Variants in RBFOX1 observed in about 807,000 individuals in gnomAD.
RBFOX1 encodes RNA binding fox-1 homolog 1.
Under a neutral mutation model 57.7 loss-of-function variants are expected in RBFOX1, and 8 were observed. That is an observed-to-expected ratio of 0.14 (90% CI 0.08 to 0.25). The LOEUF is 0.25. RBFOX1 is among the 10% of genes least tolerant of loss of function. The probability of loss-of-function intolerance (pLI) is 1.00; values close to 1 mark genes in which losing one functional copy is unlikely to be tolerated. For synonymous variants in RBFOX1, 326 were observed against 222.4 expected, an observed-to-expected ratio of 1.47 and a Z score of -4.15; for missense variants, 611 against 548.5, an observed-to-expected ratio of 1.11 and a Z score of -1.14.
chr16:6,757,364 A>G (rs1242919749), intron 3 of RBFOX1, among the ~76,000 whole-genome samples: 1 of 152,192 alleles, frequency 6.6e-6, no homozygotes, highest in Non-Finnish European at 1.5e-5. Flanking sequence ...CTGCAGCATT[A>G]TTTACAATAG....
intron 4 of RBFOX1, among the ~76,000 whole-genome samples, chr16:7,260,129 T>A (rs1324818272): frequency 6.6e-6 from 1 of 152,182 alleles, no homozygotes; most frequent in African/African-American, 2.4e-5. Context: ...CATGAAGGCT[T>A]AGAGGAGATA....
chr16:5,919,076 G>A (rs1343169665), intron 4 of RBFOX1, among the ~76,000 whole-genome samples: 1 of 152,166 alleles, frequency 6.6e-6, no homozygotes, highest in African/African-American at 2.4e-5. Context: ...AGCTGAGGCA[G>A]TTTCAGCCTA....
intron 3 of RBFOX1, among the ~76,000 whole-genome samples, chr16:5,626,938 G>C (rs960356433): frequency 1.3e-5 from 2 of 151,878 alleles, no homozygotes; most frequent in African/African-American, 4.8e-5. Flanking sequence ...ATTTCTGTTG[G>C]GATTGAAAGC....
Position 6,958,036 on chromosome 16 carries a change from A to G in RBFOX1, c.-15-94021A>G, listed in dbSNP as rs574910088. Among the ~76,000 whole-genome samples the G allele has an allele frequency of 1.7e-3, 260 of 152,286 alleles. 2 individuals carry two copies. The highest frequency in any genetic ancestry group is 6.8e-3 in the Middle Eastern group (2 of 294). On this transcript the variant is annotated intron_variant, in intron 3 of 15. Transcript: ENST00000550418. ...CTCAGGGGTGAGAATACCAGGAGGC[A>G]TGGTTCATCGAGGGGCCATCTTTGG... is the stretch of plus-strand genomic sequence containing the variant.
At chr16:6,780,345 A>ATAGATATATT (rs2080660110) in intron 3 of RBFOX1, among the ~76,000 whole-genome samples, 4 of 80,552 alleles carry the variant, frequency 5.0e-5, no homozygotes, top group African/African-American at 7.8e-5. Flanking sequence ...ATACATATTT[A>ATAGATATATT]TATACATATT....
chr16:7,217,436 C>G (rs2092294573), intron 4 of RBFOX1, among the ~76,000 whole-genome samples: 1 of 151,312 alleles, frequency 6.6e-6, no homozygotes. Flanking sequence ...GCCAGGAAAA[C>G]TACAGCAGGA....
At chr16:6,939,629 A>C (rs2078002415) in intron 3 of RBFOX1, among the ~76,000 whole-genome samples, 1 of 151,562 alleles carries the variant, frequency 6.6e-6, no homozygotes. Flanking sequence ...CTCATGCCTC[A>C]ACCACCTGAG....
chr16:7,011,202 G>A (rs1235631675), intron 3 of RBFOX1, among the ~76,000 whole-genome samples: 1 of 152,102 alleles, frequency 6.6e-6, no homozygotes, highest in Non-Finnish European at 1.5e-5. Flanking sequence ...GCAGTCATTC[G>A]TGGAGTCCTC....
intron 4 of RBFOX1, among the ~76,000 whole-genome samples, chr16:7,489,123 A>C (rs929735106): frequency 1.3e-5 from 2 of 151,902 alleles, no homozygotes; most frequent in Non-Finnish European, 2.9e-5. Flanking sequence ...ATTCTGTCCA[A>C]ATCTCTCTGT....
At chr16:7,213,192 G>T (rs1219548165) in intron 4 of RBFOX1, among the ~76,000 whole-genome samples, 1 of 152,286 alleles carries the variant, frequency 6.6e-6, no homozygotes, top group East Asian at 1.9e-4. Context: ...GAGAAATGCA[G>T]ATTACACGGA....
chr16:6,532,893 C>T (rs1354706615), intron 2 of RBFOX1, among the ~76,000 whole-genome samples: 1 of 152,220 alleles, frequency 6.6e-6, no homozygotes, highest in Non-Finnish European at 1.5e-5. Flanking sequence ...CCTTGAGTGC[C>T]AGTGTCACCA....
intron 4 of RBFOX1, among the ~76,000 whole-genome samples, chr16:6,007,013 C>A (rs2094931684): frequency 6.6e-6 from 1 of 151,722 alleles, no homozygotes; most frequent in African/African-American, 2.4e-5. Flanking sequence ...ATGGATTTAC[C>A]CTCTCTCCCC....
At chr16:5,756,858 A>C (rs2053415764) in intron 3 of RBFOX1, among the ~76,000 whole-genome samples, 2 of 152,228 alleles carry the variant, frequency 1.3e-5, no homozygotes, top group South Asian at 4.1e-4. Context: ...TGTTTATTGC[A>C]TGCAGAAACT....
At position 5,521,181 on chromosome 16, in the gene RBFOX1, G is replaced by A. The variant is rs965100399; in HGVS notation, c.258+53927G>A. Among the ~76,000 whole-genome samples the A allele has an allele frequency of 5.3e-5, 8 of 152,298 alleles. No homozygotes were observed. In the South Asian group the frequency reaches 1.2e-3, roughly 24 times the overall value. On this transcript the variant is annotated intron_variant, in intron 2 of 2. Transcript: ENST00000585867. ...AGCTGAAAGCATTCCTCCCTGAGAT[G>A]AGGAGTCACAGAGCTGGTTGACACA...
At chr16:7,693,884 A>C (rs1054117562) in intron 14 of RBFOX1, among the ~76,000 whole-genome samples, 3 of 152,214 alleles carry the variant, frequency 2.0e-5, no homozygotes, top group African/African-American at 7.2e-5. Flanking sequence ...TATTAGCCAA[A>C]GATCCTCTAT....
chr16:5,365,826 C>A, intron 1 of RBFOX1: 1 of 517,490 alleles, frequency 1.9e-6, no homozygotes, highest in South Asian at 1.4e-5. Flanking sequence ...GGACATGAGC[C>A]CCCTGAGGCC....
chr16:5,432,345 C>G (rs35635438), intron 1 of RBFOX1, among the ~76,000 whole-genome samples: 62,611 of 151,780 alleles, frequency 0.41, 14,540 homozygotes, highest in Admixed American at 0.53. Context: ...AATTAGTCAT[C>G]GTAATAGCCC....
chr16:6,031,736 C>G (rs1195295632), intron 1 of RBFOX1, among the ~76,000 whole-genome samples: 1 of 152,228 alleles, frequency 6.6e-6, no homozygotes, highest in Non-Finnish European at 1.5e-5. Context: ...TTGCTGACTT[C>G]AGAGCCCAGC....
At chr16:7,706,994 T>TTTTTGATAAGAAGGACTGAAGG (rs2082670928) in intron 14 of RBFOX1, among the ~76,000 whole-genome samples, 2 of 152,146 alleles carry the variant, frequency 1.3e-5, no homozygotes, top group Non-Finnish European at 2.9e-5. Flanking sequence ...TTAAAGGCCA[T>TTTTTGATAAGAAGGACTGAAGG]TTTTGATAAG....
Sources: allele counts gnomAD v4.1 joint callset (sites outside exome capture counted in the v4.1 genomes callset), GRCh38; gene constraint gnomAD v4.1.1; transcripts MANE v1.5; gene names NCBI Gene and HGNC (gene_info 2026-07-23, HGNC 2026-07-21).